SATB2: variants seen among roughly 807,000 people sequenced by gnomAD.
SATB2 encodes the protein SATB homeobox 2, also known as DNA-binding protein SATB2.
Under a neutral mutation model 73.4 loss-of-function variants are expected in SATB2, and 1 was observed. The observed-to-expected ratio is 0.01, with a 90% CI of 0.00 to 0.06. SATB2 has a LOEUF of 0.06. Among genes scored for constraint, SATB2 ranks in the 10% least tolerant of loss-of-function variants. The pLI is 1.00. For missense variants in SATB2, 459 were observed against 945.8 expected, an observed-to-expected ratio of 0.49 and a Z score of 6.75; for synonymous variants, 397 against 367.0, an observed-to-expected ratio of 1.08 and a Z score of -0.93.
intron 10 of SATB2, among the ~76,000 whole-genome samples, chr2:199,304,352 T>G (rs1460836020): frequency 6.6e-6 from 1 of 152,166 alleles, no homozygotes; most frequent in African/African-American, 2.4e-5. Flanking sequence ...GGAATTTATT[T>G]CCTCTTTTTC....
At chr2:199,367,896 G>C (rs1339340878) in intron 6 of SATB2, among the ~76,000 whole-genome samples, 2 of 151,926 alleles carry the variant, frequency 1.3e-5, no homozygotes, top group African/African-American at 4.8e-5. Flanking sequence ...CTACACAAAG[G>C]AACTTTATTT....
intron 9 of SATB2, among the ~76,000 whole-genome samples, chr2:199,320,127 C>T (rs1159105837): frequency 1.3e-5 from 2 of 152,086 alleles, no homozygotes; most frequent in Non-Finnish European, 2.9e-5. Flanking sequence ...TTCCTGTGGC[C>T]ACGCAGACAG....
Position 199,392,346 on chromosome 2 carries a change from G to A in SATB2, c.347-10526C>T, listed in dbSNP as rs569574981. On this transcript the variant is annotated intron_variant, in intron 3 of 10. Coordinates refer to ENST00000417098, the MANE Select transcript of SATB2 (RefSeq NM_001172509.2). ...TTAAGTAGGAAAGTAGGGCTAAGGT[G>A]CACTGTAACTGTGTTTTATTTCCTT... Among the ~76,000 whole-genome samples the A allele has an allele frequency of 2.6e-4, 39 of 151,846 alleles. 1 individual carries two copies. Among genetic ancestry groups the A allele is most frequent in the Non-Finnish European group, 5.3e-4 (36 of 68,006 alleles).
intron 3 of SATB2, among the ~76,000 whole-genome samples, chr2:199,425,844 T>C (rs1691310193): frequency 1.3e-5 from 2 of 152,226 alleles, no homozygotes; most frequent in Non-Finnish European, 2.9e-5. Flanking sequence ...TAATTAGTAT[T>C]TCAGGTTTCA....
At chr2:199,323,530 A>G (rs1172584044) in intron 9 of SATB2, among the ~76,000 whole-genome samples, 2 of 148,806 alleles carry the variant, frequency 1.3e-5, no homozygotes, top group Non-Finnish European at 3.0e-5. Flanking sequence ...GAGAGAAACA[A>G]AAGGGTACAT....
chr2:199,413,624 T>A (rs1690887715), intron 3 of SATB2, among the ~76,000 whole-genome samples: 1 of 147,634 alleles, frequency 6.8e-6, no homozygotes, highest in African/African-American at 2.5e-5. Flanking sequence ...ATAAAAAACT[T>A]GATTTCCCAG....
At chr2:199,337,898 T>C (rs1019526334) in intron 7 of SATB2, among the ~76,000 whole-genome samples, 3 of 152,240 alleles carry the variant, frequency 2.0e-5, no homozygotes, top group Admixed American at 6.5e-5. Context: ...AAACGCCTTG[T>C]ATATATTTTT....
At chr2:199,432,006 A>G (rs1009244461) in intron 3 of SATB2, among the ~76,000 whole-genome samples, 3 of 152,214 alleles carry the variant, frequency 2.0e-5, no homozygotes, top group Admixed American at 1.3e-4. Flanking sequence ...CAATTTGCTC[A>G]GGATCAAATC....
chr2:199,368,274 G>C (rs1689346114), intron 6 of SATB2, among the ~76,000 whole-genome samples: 1 of 152,202 alleles, frequency 6.6e-6, no homozygotes, highest in South Asian at 2.1e-4. Context: ...TACCCCAACA[G>C]TATCTGTTAA....
chr2:199,365,303 TA>T (rs55829800), intron 6 of SATB2, among the ~76,000 whole-genome samples: 180 of 149,198 alleles, frequency 1.2e-3, no homozygotes, highest in South Asian at 2.3e-3. Flanking sequence ...GATCAGCAAT[TA>T]AAAAAAAAAT....
At chr2:199,462,719 G>A (rs926233909), upstream of SATB2, among the ~76,000 whole-genome samples, 4 of 152,212 alleles carry the variant, frequency 2.6e-5, no homozygotes, top group African/African-American at 9.6e-5. The surrounding 1 kb of genome is among the most constrained non-coding windows in gnomAD (Gnocchi z 5.9). Context: ...AGACTGTGGA[G>A]GTCCTCCTCC....
chr2:199,312,900 C>A (rs1364498637), intron 9 of SATB2, among the ~76,000 whole-genome samples: 1 of 151,860 alleles, frequency 6.6e-6, no homozygotes, highest in Non-Finnish European at 1.5e-5. Flanking sequence ...AAGTGTTCAA[C>A]AAAATAACCA....
intron 5 of SATB2, among the ~76,000 whole-genome samples, chr2:199,377,399 C>T (rs1031733351): frequency 9.9e-5 from 15 of 151,892 alleles, no homozygotes; most frequent in African/African-American, 3.1e-4. Context: ...AACAAACAAA[C>T]AAAAAACAAC....
At chr2:199,303,135 T>C (rs759375982) in intron 10 of SATB2, among the ~76,000 whole-genome samples, 1 of 152,222 alleles carries the variant, frequency 6.6e-6, no homozygotes, top group Non-Finnish European at 1.5e-5. Flanking sequence ...TTCCAGCACA[T>C]GATAAAAGTC....
chr2:199,329,568 G>A (rs1420732775), intron 7 of SATB2, among the ~76,000 whole-genome samples: 1 of 151,966 alleles, frequency 6.6e-6, no homozygotes, highest in Non-Finnish European at 1.5e-5. Flanking sequence ...CTTCATGGGG[G>A]AAACCCTAAT....
chr2:199,450,898 A>T (rs961819246), intron 2 of SATB2, among the ~76,000 whole-genome samples: 1 of 152,120 alleles, frequency 6.6e-6, no homozygotes, highest in Admixed American at 6.6e-5. Flanking sequence ...CTAATAAATG[A>T]TGATTAGTCT....
chr2:199,323,402 C>A lies in SATB2; in HGVS notation c.1542+401G>T, dbSNP rs191418656. Among the ~76,000 whole-genome samples, 186 of 151,372 alleles carry A rather than the reference C, an allele frequency of 1.2e-3. 3 individuals are homozygous for A. The highest frequency in any genetic ancestry group is 4.2e-3 in the African/African-American group (172 of 41,248). On this transcript the variant is annotated intron_variant, in intron 9 of 10. Transcript: ENST00000417098. ...GAGTTGGACATTCCCCTTGTGGGAA[C>A]AGGAAAGGTGATGAGACTTGGCTAA...
chr2:199,438,470 G>C (rs1288522586), intron 2 of SATB2, among the ~76,000 whole-genome samples: 1 of 152,176 alleles, frequency 6.6e-6, no homozygotes, highest in Non-Finnish European at 1.5e-5. Flanking sequence ...TACCTTCTCT[G>C]CAATTGCAGG....
chr2:199,463,489 G>C lies in SATB2; in HGVS notation c.-141+1347C>G, dbSNP rs1692525726. 6.6e-6 allele frequency among the ~76,000 whole-genome samples: 1 copy of C among 152,162 alleles called. No individual in the cohort carries two copies. Among genetic ancestry groups the C allele is most frequent in the Non-Finnish European group, 1.5e-5 (1 of 68,028 alleles). On this transcript the variant is annotated intron_variant, in intron 1 of 11. Transcript: ENST00000260926. This position sits in a 1 kb window ranked among gnomAD's most constrained non-coding sequence, Gnocchi z 6.4. Reference sequence around the variant, plus strand: ...CGAAGAGCCCCGAGGCCTCGGCTTGGCGTCAATGTCCCGCCACCCTCGAGC... The same window carrying C: ...CGAAGAGCCCCGAGGCCTCGGCTTGCCGTCAATGTCCCGCCACCCTCGAGC...
Sources: allele counts gnomAD v4.1 joint callset (sites outside exome capture counted in the v4.1 genomes callset), GRCh38; gene constraint gnomAD v4.1.1; non-coding constraint Gnocchi (gnomAD v3.1); transcripts MANE v1.5; gene names NCBI Gene and HGNC (gene_info 2026-07-23, HGNC 2026-07-21).